The following NUP205 variants were observed in gnomAD, a reference collection of about 807,000 sequenced individuals.
The protein encoded by NUP205 is nuclear pore complex protein Nup205.
Under a neutral mutation model 253.8 loss-of-function variants are expected in NUP205, and 76 were observed. The ratio of observed to expected loss-of-function variants is 0.30; its 90% CI spans 0.25 to 0.36. The LOEUF is 0.36. NUP205 is among the 10% of genes least tolerant of loss of function. NUP205 has a pLI of 1.00. For synonymous variants in NUP205, 832 were observed against 850.1 expected, an observed-to-expected ratio of 0.98 and a Z score of 0.37; for missense variants, 2,162 against 2,425.5, an observed-to-expected ratio of 0.89 and a Z score of 2.28.
chr7:135,562,447 C>G (rs1468944446), intron 1 of NUP205, among the ~76,000 whole-genome samples: 5 of 152,030 alleles, frequency 3.3e-5, no homozygotes, highest in African/African-American at 1.2e-4. Flanking sequence ...ATTCACCTGC[C>G]TCGGCCTCCC....
At chr7:135,644,702 CA>C (rs1476751865) in intron 39 of NUP205, among the ~76,000 whole-genome samples, 192 bp from the exon 40 acceptor site, 1 of 152,132 alleles carries the variant, frequency 6.6e-6, no homozygotes, top group Non-Finnish European at 1.5e-5. Flanking sequence ...GATAAATGTT[CA>C]TTTGTGAATT....
rs757419629 is a variant in NUP205 at position 135,625,211 on chromosome 7, G to A, written c.4527G>A (p.Gln1509=). Residue 1509 remains glutamine, a synonymous_variant, in exon 32 of 43, where the codon CAG becomes CAA. Coordinates refer to ENST00000285968, the MANE Select transcript of NUP205 (RefSeq NM_015135.3). ...LLDRIVSVDK[Q]QQWLLYLSNS... is the part of the protein sequence containing the mutation. ...ATAGAATTGTCTCCGTGGATAAACAGCAGCAGTGGCTTTTGTATCTTTCTA... is the reference window on the plus strand; with the variant it reads ...ATAGAATTGTCTCCGTGGATAAACAACAGCAGTGGCTTTTGTATCTTTCTA... 1.2e-6 allele frequency: 2 copies of A among 1,613,646 alleles called. No individual in the cohort carries two copies. Among genetic ancestry groups the A allele is most frequent in the African/African-American group, 1.3e-5 (1 of 74,902 alleles).
chr7:135,615,962 T>G lies in NUP205; in HGVS notation c.3357T>G (p.Thr1119=). The change falls in exon 24 of 43, where the codon ACT becomes ACG. Residue 1119 remains threonine, a synonymous_variant. Coordinates refer to ENST00000285968, the MANE Select transcript of NUP205 (RefSeq NM_015135.3). ...ACCAGATGTCATGGCTTATGAAAACTGCCTCAATAGAGCTAAGGGTAACCT... is the reference window on the plus strand; with the variant it reads ...ACCAGATGTCATGGCTTATGAAAACGGCCTCAATAGAGCTAAGGGTAACCT... The part of the protein sequence containing the change: ...MLNQMSWLMK[T]ASIELRVTSL... 1 of 1,613,656 alleles carries G rather than the reference T, an allele frequency of 6.2e-7. No homozygotes were observed. Among genetic ancestry groups the G allele is most frequent in the Non-Finnish European group, 8.5e-7 (1 of 1,179,664 alleles).
At chr7:135,612,931 A>G (rs1054066998) in intron 22 of NUP205, among the ~76,000 whole-genome samples, 3 of 152,120 alleles carry the variant, frequency 2.0e-5, no homozygotes, top group African/African-American at 4.8e-5. Flanking sequence ...ATAAATGTTC[A>G]TATTAGCCAC....
Position 135,582,597 on chromosome 7 carries a change from C to CTT in NUP205, c.1043-2234_1043-2233dup, listed in dbSNP as rs142357624. Reference sequence around the variant, plus strand: ...CTCCAGGGCTCACATGATCCTTCCACTTCAGCCTCCCAAGTAGGTGGGACC... The same window carrying CTT: ...CTCCAGGGCTCACATGATCCTTCCACTTTTCAGCCTCCCAAGTAGGTGGGACC... On this transcript the variant is annotated intron_variant, in intron 7 of 42. Coordinates refer to ENST00000285968, the MANE Select transcript of NUP205 (RefSeq NM_015135.3). Among the ~76,000 whole-genome samples the CTT allele has an allele frequency of 2.8e-3, 427 of 152,188 alleles. 9 individuals carry two copies. The East Asian group carries it at 0.051, about 18-fold the overall frequency.
intron 38 of NUP205, among the ~76,000 whole-genome samples, chr7:135,640,355 T>G (rs1794896586): frequency 6.6e-6 from 1 of 152,238 alleles, no homozygotes; most frequent in African/African-American, 2.4e-5. Flanking sequence ...GTTGTTGTAA[T>G]TTATGTACAA....
At chr7:135,582,247 T>G (rs773972254) in intron 7 of NUP205, among the ~76,000 whole-genome samples, 1 of 152,202 alleles carries the variant, frequency 6.6e-6, no homozygotes, top group Non-Finnish European at 1.5e-5. Flanking sequence ...ATCGCACCAC[T>G]GCACTCCAGC....
At chr7:135,570,906 A>AATATATTATATATTATATATTTATATT (rs1563110385) in intron 1 of NUP205, among the ~76,000 whole-genome samples, 199 bp from the exon 2 acceptor site, 1 of 96,228 alleles carries the variant, frequency 1.0e-5, no homozygotes, top group Non-Finnish European at 2.2e-5. Context: ...ATATTTATAT[A>AATATATTATATATTATATATTTATATT]TAATATATTA....
intron 30 of NUP205, among the ~76,000 whole-genome samples, chr7:135,621,181 A>T (rs1794463524): frequency 6.6e-6 from 1 of 152,232 alleles, no homozygotes; most frequent in Non-Finnish European, 1.5e-5. Flanking sequence ...TATGCCATAC[A>T]TAGTACCCTA....
At chr7:135,645,149 A>G (rs112598849) in intron 40 of NUP205, 131 bp downstream of exon 40, 19 of 995,190 alleles carry the variant, frequency 1.9e-5, no homozygotes, top group African/African-American at 1.8e-4. Context: ...GTAAATGCCT[A>G]ATGTATTTCC....
intron 1 of NUP205, among the ~76,000 whole-genome samples, chr7:135,564,368 T>A (rs1805686738): frequency 6.6e-6 from 1 of 151,106 alleles, no homozygotes; most frequent in African/African-American, 2.4e-5. Flanking sequence ...TGCCCCGGCC[T>A]CCCAAGTAAC....
At position 135,578,987 on chromosome 7, in the gene NUP205, A is replaced by G. The variant is rs73725145; in HGVS notation, c.1042+72A>G. On this transcript the variant is annotated intron_variant, in intron 7 of 42. Transcript: ENST00000285968. Reference sequence around the variant, plus strand: ...ACTTAATGACATTTTTGGAAGGAGTATTATCTTTGACATACATAAGCATAA... The same window carrying G: ...ACTTAATGACATTTTTGGAAGGAGTGTTATCTTTGACATACATAAGCATAA... 71,485 of 1,238,396 alleles carry G rather than the reference A, an allele frequency of 0.058. 2,600 individuals carry two copies. The highest frequency in any genetic ancestry group is 0.14 in the South Asian group (8,809 of 63,592). 76.7% of individuals were successfully genotyped at this position (1,238,396 alleles called of 1,614,324 possible). A position where few individuals can be genotyped will look rare whatever the true frequency, so the allele number is the denominator to read the frequency against.
chr7:135,633,244 A>C (rs1232326809), intron 35 of NUP205, among the ~76,000 whole-genome samples: 1 of 151,822 alleles, frequency 6.6e-6, no homozygotes, highest in Non-Finnish European at 1.5e-5. Flanking sequence ...GATTACAGGC[A>C]GGAGCCACCA....
At chr7:135,562,273 T>C (rs1461775612) in intron 1 of NUP205, among the ~76,000 whole-genome samples, 1 of 152,126 alleles carries the variant, frequency 6.6e-6, no homozygotes, top group Non-Finnish European at 1.5e-5. Flanking sequence ...CTCAGCTCAC[T>C]ACAACCTCTG....
At chr7:135,601,305 A>G (rs1793960209) in intron 16 of NUP205, 65 bp from the exon 17 acceptor site, 5 of 1,410,088 alleles carry the variant, frequency 3.5e-6, no homozygotes, top group African/African-American at 1.4e-5. Flanking sequence ...TACATTTCAT[A>G]TAAATCAAGG....
At position 135,643,214 on chromosome 7, in the gene NUP205, A is replaced by G. The variant is rs376286614; in HGVS notation, c.5415A>G (p.Pro1805=). ...PRQDTQAPVV[P]YWRLPGLGII... ...TAGATACCCAAGCTCCAGTGGTTCC[A>G]TACTGGCGCCTGCCTGGTTTAGGCA... Residue 1805 remains proline (P), a synonymous_variant, in exon 39 of 43, where the codon CCA becomes CCG. Transcript: ENST00000285968. 58 of 1,613,988 alleles carry G rather than the reference A, an allele frequency of 3.6e-5. No homozygotes were observed. Among genetic ancestry groups the G allele is most frequent in the Non-Finnish European group, 4.3e-5 (51 of 1,180,008 alleles).
intron 35 of NUP205, among the ~76,000 whole-genome samples, chr7:135,632,393 G>C (rs2129492149): frequency 6.6e-6 from 1 of 152,320 alleles, no homozygotes; most frequent in East Asian, 1.9e-4. Flanking sequence ...ACACTGCATA[G>C]TATAGAGTTT....
At chr7:135,599,705 T>A (rs1793924374) in intron 15 of NUP205, among the ~76,000 whole-genome samples, 1 of 152,182 alleles carries the variant, frequency 6.6e-6, no homozygotes. Flanking sequence ...ACACTTCAAG[T>A]GTTGCTGCTT....
In NUP205 at chr7:135,630,479, A is replaced by T. The variant is rs1257327236; in HGVS notation, c.5059+9A>T. 2 of 1,582,190 alleles carry T rather than the reference A, an allele frequency of 1.3e-6. No homozygotes were observed. Among genetic ancestry groups the T allele is most frequent in the Admixed American group, 3.9e-5 (2 of 51,602 alleles). On this transcript the variant is annotated intron_variant, in intron 35 of 42. Transcript: ENST00000285968. The stretch of plus-strand genomic sequence containing the variant: ...TAAAGCAGCACTTCCTGGTGAGTTG[A>T]TTATGTTGAAAGGATTTTTAATAAT...
Sources: gnomAD v4.1 joint callset for allele counts (sites outside exome capture counted in the v4.1 genomes callset) on GRCh38, gnomAD v4.1.1 for gene constraint, MANE v1.5 for transcripts, NCBI Gene and HGNC (gene_info 2026-07-23, HGNC 2026-07-21) for gene names.